Variants in ANO10 observed in about 807,000 individuals in gnomAD.
ANO10 encodes the protein anoctamin 10.
In ANO10, 77 loss-of-function variants were observed where a neutral mutation model predicts 74.7. The observed-to-expected ratio is 1.03, with a 90% CI of 0.86 to 1.25. The LOEUF (loss-of-function observed/expected upper bound fraction) is 1.25, where lower values mean the gene tolerates loss of function less well. Among genes scored for constraint, ANO10 ranks in the 50% most tolerant of loss-of-function variants. The pLI is 0.00. For missense variants in ANO10, 721 were observed against 778.1 expected (o/e 0.93, Z 0.87); for synonymous variants, 279 against 284.9 (o/e 0.98, Z 0.21).
At chr3:43,433,725 C>T (rs965505825) in intron 11 of ANO10, among the ~76,000 whole-genome samples, 6 of 152,082 alleles carry the variant, frequency 3.9e-5, no homozygotes, top group East Asian at 3.9e-4. Context: ...TTGGTAATCC[C>T]GCTGTTCAGA....
At chr3:43,382,669 C>T (rs1366026248) in intron 12 of ANO10, among the ~76,000 whole-genome samples, 1 of 152,062 alleles carries the variant, frequency 6.6e-6, no homozygotes, top group Middle Eastern at 3.2e-3. Flanking sequence ...TCCAAATAAG[C>T]TTAATTAGAA....
chr3:43,571,864 A>T (rs897813575), intron 7 of ANO10, among the ~76,000 whole-genome samples: 2 of 25,828 alleles, frequency 7.7e-5, no homozygotes, highest in Non-Finnish European at 1.8e-4. Flanking sequence ...TCCTACATTA[A>T]AAAAAAAAAA....
chr3:43,644,860 C>T lies in ANO10; in HGVS notation c.-11-38997G>A, dbSNP rs577217467. Among the ~76,000 whole-genome samples the T allele has an allele frequency of 8.9e-4, 135 of 152,338 alleles. 1 individual carries two copies. The highest frequency in any genetic ancestry group is 3.2e-3 in the African/African-American group (132 of 41,576). On this transcript the variant is annotated intron_variant, in intron 1 of 3. Transcript: ENST00000413397. ...CTGGCACCCTGGGTGTTTCACTGCC[C>T]TCAGTTGCTTCCTCAACCTGTCTGC...
intron 12 of ANO10, among the ~76,000 whole-genome samples, chr3:43,375,121 A>C (rs1452942531): frequency 1.4e-5 from 2 of 145,112 alleles, no homozygotes; most frequent in Admixed American, 6.9e-5. Context: ...ACTCTGTCTC[A>C]AAAAAAAAAC....
chr3:43,409,368 C>A (rs2092628363), intron 12 of ANO10, among the ~76,000 whole-genome samples: 1 of 152,004 alleles, frequency 6.6e-6, no homozygotes, highest in South Asian at 2.1e-4. Context: ...GGCAACACGG[C>A]AAAACCCAGT....
chr3:43,558,394 G>A (rs1357521545), intron 9 of ANO10, among the ~76,000 whole-genome samples: 1 of 152,104 alleles, frequency 6.6e-6, no homozygotes, highest in Non-Finnish European at 1.5e-5. Flanking sequence ...CACAGGAAAA[G>A]GACAGCAGAG....
chr3:43,481,438 T>C (rs563795797), intron 11 of ANO10, among the ~76,000 whole-genome samples: 46 of 152,160 alleles, frequency 3.0e-4, no homozygotes, highest in Admixed American at 4.6e-4. Context: ...CCCATCTGAC[T>C]GAGGGTCCTT....
intron 11 of ANO10, among the ~76,000 whole-genome samples, chr3:43,501,777 G>C (rs2077108819): frequency 6.6e-6 from 1 of 152,192 alleles, no homozygotes; most frequent in African/African-American, 2.4e-5. Flanking sequence ...GGAAAGAAAT[G>C]TGGTGGAAGA....
intron 1 of ANO10, among the ~76,000 whole-genome samples, chr3:43,612,140 TTATATATATATATATATA>T (rs55675402): frequency 0.054 from 3,457 of 64,590 alleles, 128 homozygotes; most frequent in Middle Eastern, 0.077. Flanking sequence ...ATTAAATATT[TTATATATATATATATATA>T]TATATATATA....
At chr3:43,648,332 C>T (rs544171908) in intron 1 of ANO10, among the ~76,000 whole-genome samples, 1 of 152,196 alleles carries the variant, frequency 6.6e-6, no homozygotes, top group African/African-American at 2.4e-5. Flanking sequence ...GATCCAAACC[C>T]CAAGAGAGGG....
At chr3:43,612,423 A>G (rs2082876063) in intron 1 of ANO10, among the ~76,000 whole-genome samples, 1 of 151,964 alleles carries the variant, frequency 6.6e-6, no homozygotes, top group African/African-American at 2.4e-5. Context: ...CTTCCTTCCC[A>G]GTTTCCCTGC....
At chr3:43,437,401 T>C (rs1329546961) in intron 11 of ANO10, among the ~76,000 whole-genome samples, 1 of 152,196 alleles carries the variant, frequency 6.6e-6, no homozygotes, top group Non-Finnish European at 1.5e-5. Context: ...GCTGGGGTCA[T>C]AGGGACCTTT....
rs187903962 is a variant in ANO10 at position 43,562,001 on chromosome 3, T to C, written c.1294-599A>G. The stretch of plus-strand genomic sequence containing the variant: ...GAATTTAAATTATACCACTAATACA[T>C]ACCCTCACTACAAAAATAAAACAGA... On this transcript the variant is annotated intron_variant, in intron 8 of 12. Coordinates refer to ENST00000292246, the MANE Select transcript of ANO10 (RefSeq NM_018075.5). Among the ~76,000 whole-genome samples, 17 of 152,254 alleles carry C rather than the reference T, an allele frequency of 1.1e-4. No homozygotes were observed. In the East Asian group the frequency reaches 1.5e-3, roughly 14 times the overall value.
intron 1 of ANO10, among the ~76,000 whole-genome samples, chr3:43,652,299 G>T (rs914439750): frequency 3.9e-5 from 6 of 152,028 alleles, no homozygotes; most frequent in Admixed American, 1.3e-4. Context: ...CATAAGGATA[G>T]ATATATATTA....
At chr3:43,626,863 A>G (rs1156280872), upstream of ANO10, among the ~76,000 whole-genome samples, 1 of 152,128 alleles carries the variant, frequency 6.6e-6, no homozygotes, top group East Asian at 1.9e-4. Context: ...TTGAATCTTC[A>G]TAATACTTCA....
In ANO10 at chr3:43,600,436, G is replaced by A. The variant is rs2082287293; in HGVS notation, c.285C>T (p.Asn95=). The stretch of plus-strand genomic sequence containing the variant: ...TTCTGTATGTGAAGGCTCTCATGGT[G>A]TTATCATTGCACTCTTTTACCAATC... ...AVGLVKECND[N]TMRAFTYRTR... The change falls in exon 3 of 13, where the codon AAC becomes AAT. Residue 95 remains asparagine (N), a synonymous_variant. Coordinates refer to ENST00000292246, the MANE Select transcript of ANO10 (RefSeq NM_018075.5). 6.2e-7 allele frequency: 1 copy of A among 1,613,988 alleles called. No homozygotes were observed. The highest frequency in any genetic ancestry group is 8.5e-7 in the Non-Finnish European group (1 of 1,180,012).
At chr3:43,421,299 T>C (rs2092816673) in intron 12 of ANO10, among the ~76,000 whole-genome samples, 1 of 152,068 alleles carries the variant, frequency 6.6e-6, no homozygotes, top group Admixed American at 6.6e-5. Flanking sequence ...TGTGGGTGAA[T>C]TGCTTGAGCT....
At chr3:43,552,267 T>A (rs11130005) in intron 10 of ANO10, among the ~76,000 whole-genome samples, 67,702 of 152,048 alleles carry the variant, frequency 0.45, 17,991 homozygotes, top group East Asian at 0.77. Flanking sequence ...GTATCTTGTC[T>A]ACATAGGTTG....
chr3:43,580,413 C>T lies in ANO10; in HGVS notation c.532G>A (p.Ala178Thr), dbSNP rs759370845. 2 of 1,613,956 alleles carry T rather than the reference C, an allele frequency of 1.2e-6. No individual in the cohort carries two copies. Among genetic ancestry groups the T allele is most frequent in the East Asian group, 2.2e-5 (1 of 44,864 alleles). Reference protein sequence around the residue: ...IQVFPLHDSEALKKLEDTWYT... With the variant: ...IQVFPLHDSETLKKLEDTWYT... ...CAGGTGTCCTCAAGCTTCTTCAGGG[C>T]TTCACTGTCATGCAGTGGAAACACC... Residue 178 changes from alanine to threonine, a missense_variant, in exon 5 of 13, where the codon GCC becomes ACC. Transcript: ENST00000292246.
Sources: allele counts gnomAD v4.1 joint callset (sites outside exome capture counted in the v4.1 genomes callset), GRCh38; gene constraint gnomAD v4.1.1; transcripts MANE v1.5; gene names NCBI Gene and HGNC (gene_info 2026-07-23, HGNC 2026-07-21).